The following TMEM185A variants were observed in gnomAD, a reference collection of about 807,000 sequenced individuals.
TMEM185A encodes family with sequence similarity 11, member A.
In TMEM185A, 9 loss-of-function variants were observed where a neutral mutation model predicts 25.0. The ratio of observed to expected loss-of-function variants is 0.36; its 90% CI spans 0.22 to 0.63. TMEM185A has a LOEUF of 0.63. TMEM185A is among the 20% of genes least tolerant of loss of function. The pLI is 0.68. For missense variants in TMEM185A, 103 were observed against 237.4 expected, an observed-to-expected ratio of 0.43 and a Z score of 3.72; for synonymous variants, 45 against 93.5, an observed-to-expected ratio of 0.48 and a Z score of 2.99.
intron 1 of TMEM185A, among the ~76,000 whole-genome samples, chrX:149,617,346 A>G (rs1410278572): frequency 8.9e-6 from 1 of 112,095 alleles, no homozygotes; most frequent in Non-Finnish European, 1.9e-5. Flanking sequence ...CACGTATCTG[A>G]CAAAGTAACC....
chrX:149,630,203 C>G (rs2090183985), intron 1 of TMEM185A, among the ~76,000 whole-genome samples: 1 of 111,778 alleles, frequency 8.9e-6, no homozygotes, highest in Non-Finnish European at 1.9e-5. Context: ...ACTGGCACTC[C>G]TAACCAGAAC....
intron 2 of TMEM185A, among the ~76,000 whole-genome samples, chrX:149,609,946 A>T (rs2090073188): frequency 1.8e-5 from 2 of 111,981 alleles, no homozygotes; most frequent in Admixed American, 1.9e-4. Flanking sequence ...TCATAAAAAA[A>T]TAAAACACAT....
chrX:149,606,930 C>T (rs1386863449), intron 3 of TMEM185A: 2 of 112,581 alleles, frequency 1.8e-5, no homozygotes, highest in East Asian at 5.6e-4. Flanking sequence ...CTGTGGATAC[C>T]AAAATCCATG....
chrX:149,612,858 T>C (rs2090091227), intron 1 of TMEM185A, among the ~76,000 whole-genome samples: 1 of 112,240 alleles, frequency 8.9e-6, no homozygotes, highest in East Asian at 2.8e-4. Flanking sequence ...CTTGCGATAG[T>C]AGGGGCCTCT....
chrX:149,630,899 G>C (rs1557356536), intron 1 of TMEM185A, among the ~76,000 whole-genome samples: 2 of 111,729 alleles, frequency 1.8e-5, no homozygotes, highest in Non-Finnish European at 3.8e-5. Context: ...AAGAAGGACA[G>C]CAATATCTAC....
In TMEM185A at chrX:149,631,732, C is replaced by CCGTCGT; in HGVS notation, c.-153_-152insACGACG. On this transcript the variant is annotated 5_prime_UTR_variant, in exon 1 of 7. Coordinates refer to ENST00000600449, the MANE Select transcript of TMEM185A (RefSeq NM_032508.4). Reference sequence around the variant, plus strand: ...GCCGTCCCCGCTGCCGTCGCCGTCGCCGTCGCCGCCGCCGCCGCCGCCGCC... The same window carrying CCGTCGT: ...GCCGTCCCCGCTGCCGTCGCCGTCGCCGTCGTCGTCGCCGCCGCCGCCGCCGCCGCC... 2.5e-6 allele frequency: 1 copy of CCGTCGT among 397,466 alleles called. No homozygotes were observed. Among genetic ancestry groups the CCGTCGT allele is most frequent in the Non-Finnish European group, 3.6e-6 (1 of 281,153 alleles). 32.8% of individuals were successfully genotyped at this position (397,466 alleles called of 1,213,427 possible). A position where few individuals can be genotyped will look rare whatever the true frequency, so the allele number is the denominator to read the frequency against.
intron 1 of TMEM185A, among the ~76,000 whole-genome samples, chrX:149,612,671 T>TGAGA (rs2090090039): frequency 1.8e-5 from 2 of 112,123 alleles, no homozygotes; most frequent in Non-Finnish European, 3.8e-5. Context: ...GCTTGGTTGG[T>TGAGA]TTCTCTACTC....
At chrX:149,603,617 G>C (rs2090029388) in intron 4 of TMEM185A, 1 of 130,583 alleles carries the variant, frequency 7.7e-6, no homozygotes. Context: ...TTCAACACTG[G>C]CAACAATGGA....
At chrX:149,607,732 G>C (rs1557353759) in intron 3 of TMEM185A, among the ~76,000 whole-genome samples, 2 of 112,077 alleles carry the variant, frequency 1.8e-5, no homozygotes. Flanking sequence ...AAGCTAACCA[G>C]ACAGCAGGGG....
At chrX:149,622,875 TA>T (rs2090146160) in intron 1 of TMEM185A, among the ~76,000 whole-genome samples, 2 of 112,133 alleles carry the variant, frequency 1.8e-5, no homozygotes, top group African/African-American at 6.5e-5. Context: ...TCCAATTTTT[TA>T]AAAATTATTT....
intron 1 of TMEM185A, among the ~76,000 whole-genome samples, chrX:149,626,964 G>A (rs2090166410): frequency 8.9e-6 from 1 of 112,302 alleles, no homozygotes; most frequent in Admixed American, 9.4e-5. Context: ...GAACGAATGG[G>A]AATGGTCAGC....
chrX:149,614,010 A>G (rs781922390), intron 1 of TMEM185A, among the ~76,000 whole-genome samples: 3 of 112,608 alleles, frequency 2.7e-5, no homozygotes, highest in Non-Finnish European at 3.8e-5. Context: ...TTTCTTAGTA[A>G]CTAATAGAAC....
chrX:149,631,459 C>G, intron 1 of TMEM185A, 84 bp downstream of exon 1: 3 of 1,060,236 alleles, frequency 2.8e-6, no homozygotes, highest in Non-Finnish European at 3.7e-6. Context: ...GCATCTCGCC[C>G]GCCGTGCCTC....
rs1357489404 is a variant in TMEM185A at position 149,631,756 on chromosome X, C to CCGT, written c.-177_-176insACG. Reference sequence around the variant, plus strand: ...GCCGTCGCCGCCGCCGCCGCCGCCGCCGCCGCCGCCGCCGCCGCCGCCGCC... The same window carrying CCGT: ...GCCGTCGCCGCCGCCGCCGCCGCCGCCGTCGCCGCCGCCGCCGCCGCCGCCGCC... On this transcript the variant is annotated 5_prime_UTR_variant, in exon 1 of 7. Coordinates refer to ENST00000600449, the MANE Select transcript of TMEM185A (RefSeq NM_032508.4). 1.4e-4 allele frequency: 4 copies of CCGT among 27,618 alleles called. No individual in the cohort carries two copies. The highest frequency in any genetic ancestry group is 2.0e-4 in the Non-Finnish European group (3 of 14,707). The allele number at this position is 27,618 out of a possible 1,213,427, so 2.3% of individuals were successfully genotyped here.
chrX:149,604,895 TAC>T (rs1403502258), intron 3 of TMEM185A, among the ~76,000 whole-genome samples: 2 of 111,440 alleles, frequency 1.8e-5, no homozygotes, highest in Admixed American at 9.5e-5. Context: ...GATCCCACCA[TAC>T]AGTCTTGGAG....
intron 1 of TMEM185A, among the ~76,000 whole-genome samples, chrX:149,630,287 G>C (rs2090184463): frequency 9.0e-6 from 1 of 111,241 alleles, no homozygotes; most frequent in Admixed American, 9.5e-5. Context: ...CATCCCTAGG[G>C]AGACTGCACC....
chrX:149,607,121 G>C (rs1387009166), intron 3 of TMEM185A, among the ~76,000 whole-genome samples: 2 of 111,514 alleles, frequency 1.8e-5, no homozygotes, highest in African/African-American at 6.5e-5. Context: ...GGTGCTCTAG[G>C]TCCCATTCTC....
chrX:149,607,161 C>T (rs187663327), intron 3 of TMEM185A, among the ~76,000 whole-genome samples: 6 of 111,786 alleles, frequency 5.4e-5, no homozygotes, highest in African/African-American at 2.0e-4. Flanking sequence ...TGCTCCATCA[C>T]CGTCCCTCTG....
intron 2 of TMEM185A, among the ~76,000 whole-genome samples, chrX:149,610,617 A>G (rs1222233858): frequency 9.1e-6 from 1 of 110,152 alleles, no homozygotes; most frequent in Non-Finnish European, 1.9e-5. Context: ...CAGAGAAGGG[A>G]AAGACTCTCG....
Sources: gnomAD v4.1 joint callset for allele counts (sites outside exome capture counted in the v4.1 genomes callset) on GRCh38, gnomAD v4.1.1 for gene constraint, MANE v1.5 for transcripts, NCBI Gene and HGNC (gene_info 2026-07-23, HGNC 2026-07-21) for gene names.